RNASEH2B: variants seen among roughly 807,000 people sequenced by gnomAD.
The protein encoded by RNASEH2B is Aicardi-Goutieres syndrome 2 protein.
A neutral mutation model predicts 45.0 loss-of-function variants in RNASEH2B; 36 were observed. The ratio of observed to expected loss-of-function variants is 0.80; its 90% confidence interval spans 0.61 to 1.06. RNASEH2B has a LOEUF of 1.06. Among genes scored for constraint, RNASEH2B ranks in the 50% least tolerant of loss-of-function variants. The pLI, the probability that RNASEH2B is intolerant of heterozygous loss-of-function variation, is 0.00. For missense variants in RNASEH2B, 361 were observed against 360.3 expected (o/e 1.00, Z -0.02); for synonymous variants, 119 against 125.7 (o/e 0.95, Z 0.35).
chr13:50,945,961 T>G (rs1379499441), intron 7 of RNASEH2B, among the ~76,000 whole-genome samples: 1 of 152,202 alleles, frequency 6.6e-6, no homozygotes, highest in Non-Finnish European at 1.5e-5. Context: ...GGAGCTTGTC[T>G]CTGAAGCCCA....
chr13:50,934,975 C>T lies in RNASEH2B; in HGVS notation c.412C>T (p.Leu138Phe), dbSNP rs78705382. 69 of 1,612,556 alleles carry T rather than the reference C, an allele frequency of 4.3e-5. No individual in the cohort carries two copies. The highest frequency in any genetic ancestry group is 5.6e-5 in the Non-Finnish European group (66 of 1,178,684). ...LLKLPGLEKL[L>F]HHVTEEKGNP... The stretch of plus-strand genomic sequence containing the variant: ...GAAACTTCCTGGACTTGAGAAGTTA[C>T]TTCATCATGTGACAGAGGAAAAAGG... The change falls in exon 5 of 11, where the codon CTT becomes TTT. Residue 138 changes from leucine (L) to phenylalanine (F), a missense_variant. By Grantham distance (22) the Leu-to-Phe change is conservative. Coordinates refer to ENST00000336617, the MANE Select transcript of RNASEH2B (RefSeq NM_024570.4).
intron 9 of RNASEH2B, among the ~76,000 whole-genome samples, chr13:50,968,466 G>C (rs1593488753): frequency 6.6e-6 from 1 of 152,076 alleles, no homozygotes; most frequent in East Asian, 1.9e-4. Flanking sequence ...GAAAGAGGTG[G>C]TATCCTTATT....
Position 50,965,322 on chromosome 13 carries a change from A to G in RNASEH2B, c.742-4610A>G, listed in dbSNP as rs192162905. Among the ~76,000 whole-genome samples, 5 of 152,318 alleles carry G rather than the reference A, an allele frequency of 3.3e-5. No homozygotes were observed. The East Asian group carries it at 9.6e-4, about 29-fold the overall frequency. ...ATAGCCAAGGTGTGTAGCAGACTAC[A>G]CCATAGGTCTGTATAAGTTGTATAA... On this transcript the variant is annotated intron_variant, in intron 9 of 9. Coordinates refer to the RNASEH2B transcript ENST00000422660.
chr13:50,958,807 GA>G (rs1475266330), downstream of RNASEH2B, among the ~76,000 whole-genome samples: 95 of 152,208 alleles, frequency 6.2e-4, 1 homozygote, highest in African/African-American at 2.1e-3. Context: ...TTCACTATTT[GA>G]AGAATCAGAT....
intron 1 of RNASEH2B, among the ~76,000 whole-genome samples, chr13:50,925,182 A>G (rs1260722820): frequency 6.7e-6 from 1 of 149,594 alleles, no homozygotes; most frequent in Non-Finnish European, 1.5e-5. Flanking sequence ...TATCCAGTGT[A>G]TTTTTCATCT....
At chr13:50,953,424 A>G (rs1952000921) in intron 9 of RNASEH2B, 1 of 170,900 alleles carries the variant, frequency 5.9e-6, no homozygotes, top group Non-Finnish European at 1.3e-5. Flanking sequence ...TGCTTGTGCA[A>G]GGTTGTTCTT....
intron 1 of RNASEH2B, 105 bp downstream of exon 1, chr13:50,910,245 C>T (rs1456901761): frequency 3.1e-5 from 23 of 742,650 alleles, no homozygotes; most frequent in South Asian, 8.6e-5. Flanking sequence ...CTACCCGGCC[C>T]GGCGCGGGAT....
At chr13:50,969,814 C>A in intron 9 of RNASEH2B, 1 of 986,192 alleles carries the variant, frequency 1.0e-6, no homozygotes, top group Non-Finnish European at 1.5e-6. Context: ...CTCAGCTGCC[C>A]TCAGGACTAA....
chr13:50,911,786 T>C (rs1879415574), intron 1 of RNASEH2B: 2 of 152,224 alleles, frequency 1.3e-5, no homozygotes, highest in Admixed American at 1.3e-4. Flanking sequence ...ACAATTAGAT[T>C]TTCAGAGTAG....
chr13:50,962,378 C>A (rs1593485354), intron 9 of RNASEH2B, among the ~76,000 whole-genome samples: 1 of 152,076 alleles, frequency 6.6e-6, no homozygotes, highest in African/African-American at 2.4e-5. Flanking sequence ...AATTCAATTT[C>A]TATAATAGAT....
At chr13:50,927,266 A>T in intron 1 of RNASEH2B, 141 bp from the exon 2 acceptor site, 1 of 618,170 alleles carries the variant, frequency 1.6e-6, no homozygotes, top group Non-Finnish European at 3.0e-6. Flanking sequence ...TTTGCTCAAG[A>T]TCACAACATT....
chr13:50,923,193 C>G (rs1431137649), intron 1 of RNASEH2B, among the ~76,000 whole-genome samples: 3 of 152,012 alleles, frequency 2.0e-5, no homozygotes, highest in Non-Finnish European at 2.9e-5. Context: ...CTGTAGGACA[C>G]CATCAAGCCT....
At chr13:50,923,083 G>A (rs556992031) in intron 1 of RNASEH2B, among the ~76,000 whole-genome samples, 1 of 152,258 alleles carries the variant, frequency 6.6e-6, no homozygotes, top group African/African-American at 2.4e-5. Flanking sequence ...GCAGAGGAAA[G>A]AATTAGAAAA....
chr13:50,934,428 T>C (rs1428043646), intron 4 of RNASEH2B: 1 of 155,500 alleles, frequency 6.4e-6, no homozygotes, highest in Non-Finnish European at 1.4e-5. Context: ...TGGCGGGTGC[T>C]TCTTTCATCA....
At chr13:50,933,201 G>A (rs1001551645) in intron 4 of RNASEH2B, among the ~76,000 whole-genome samples, 1 of 152,212 alleles carries the variant, frequency 6.6e-6, no homozygotes, top group Non-Finnish European at 1.5e-5. Flanking sequence ...ACCAGCCTCA[G>A]CAAATGTATT....
intron 1 of RNASEH2B, among the ~76,000 whole-genome samples, chr13:50,922,384 C>A (rs1161217445): frequency 6.6e-6 from 1 of 152,184 alleles, no homozygotes; most frequent in Non-Finnish European, 1.5e-5. Flanking sequence ...CAGTGTCTCA[C>A]CTCTGACTGA....
At chr13:50,941,392 G>A (rs900506453) in intron 5 of RNASEH2B, 1 of 152,300 alleles carries the variant, frequency 6.6e-6, no homozygotes, top group African/African-American at 2.4e-5. Flanking sequence ...CCTTCTTAGA[G>A]AATAATTCCC....
intron 10 of RNASEH2B, 30 bp downstream of exon 10, chr13:50,954,015 G>A (rs369199159): frequency 2.0e-5 from 27 of 1,372,190 alleles, no homozygotes; most frequent in East Asian, 4.6e-5. Flanking sequence ...GTGGTGTTTC[G>A]TTCATACTCA....
At chr13:50,916,917 C>G (rs1301109097) in intron 1 of RNASEH2B, among the ~76,000 whole-genome samples, 2 of 152,152 alleles carry the variant, frequency 1.3e-5, no homozygotes, top group Non-Finnish European at 2.9e-5. Flanking sequence ...GTTGCAGCAG[C>G]AGGAGTCCAG....
Sources: gnomAD v4.1 joint callset for allele counts (sites outside exome capture counted in the v4.1 genomes callset) on GRCh38, gnomAD v4.1.1 for gene constraint, MANE v1.5 for transcripts, NCBI Gene and HGNC (gene_info 2026-07-23, HGNC 2026-07-21) for gene names.